SEC14L1: variants seen among roughly 807,000 people sequenced by gnomAD.
SEC14L1 encodes SEC14-like protein 1.
In SEC14L1, 48 loss-of-function variants were observed where a neutral mutation model predicts 85.3. The observed-to-expected ratio is 0.56, with a 90% confidence interval of 0.45 to 0.72. The LOEUF is 0.72. SEC14L1 is among the 30% of genes least tolerant of loss of function. The probability of loss-of-function intolerance (pLI) is 0.00; values close to 1 mark genes in which losing one functional copy is unlikely to be tolerated. For synonymous variants in SEC14L1, 391 were observed against 355.5 expected (o/e 1.10, Z -1.12); for missense variants, 682 against 921.4 (o/e 0.74, Z 3.36).
chr17:77,197,253 C>G (rs1298877585), intron 8 of SEC14L1, among the ~76,000 whole-genome samples: 2 of 152,182 alleles, frequency 1.3e-5, no homozygotes, highest in Non-Finnish European at 2.9e-5. Flanking sequence ...GACGGACCAG[C>G]CTCTTGAGTT....
intron 13 of SEC14L1, 152 bp from the exon 14 acceptor site, chr17:77,209,190 G>A: frequency 1.3e-6 from 1 of 794,162 alleles, no homozygotes; most frequent in Non-Finnish European, 2.0e-6. Flanking sequence ...TTGCTCAGTA[G>A]TGCAGAGTGT....
chr17:77,111,177 C>G (rs1039527849), intron 3 of SEC14L1, among the ~76,000 whole-genome samples: 1 of 142,914 alleles, frequency 7.0e-6, no homozygotes, highest in African/African-American at 2.6e-5. Flanking sequence ...CAGAGCGAGA[C>G]TCTGTCTCAA....
At chr17:77,202,792 C>G (rs1412313664) in intron 9 of SEC14L1, among the ~76,000 whole-genome samples, 2 of 151,840 alleles carry the variant, frequency 1.3e-5, no homozygotes, top group East Asian at 3.9e-4. Context: ...TGGCAGCGTG[C>G]GCCTGTAGTT....
intron 3 of SEC14L1, among the ~76,000 whole-genome samples, chr17:77,171,832 A>G (rs528833504): frequency 6.6e-6 from 1 of 152,090 alleles, no homozygotes; most frequent in South Asian, 2.1e-4. Context: ...TTTTTCTTTT[A>G]TTACTTGCCT....
chr17:77,143,956 CTTT>C, intron 3 of SEC14L1: 1 of 270,168 alleles, frequency 3.7e-6, no homozygotes, highest in Non-Finnish European at 7.1e-6. Flanking sequence ...GGGTTGTGCT[CTTT>C]TTTTCCTTCG....
chr17:77,151,997 A>G (rs1228273154), intron 3 of SEC14L1, among the ~76,000 whole-genome samples: 2 of 151,884 alleles, frequency 1.3e-5, no homozygotes, highest in Non-Finnish European at 2.9e-5. Context: ...TTTTTTTGAG[A>G]TAGGGTTTTG....
intron 3 of SEC14L1, among the ~76,000 whole-genome samples, chr17:77,115,043 AC>A (rs941541999): frequency 3.3e-5 from 5 of 152,230 alleles, no homozygotes; most frequent in African/African-American, 1.2e-4. Flanking sequence ...CCTGCCTCTG[AC>A]CATGTACCAG....
At chr17:77,193,900 C>T (rs1975667330) in intron 6 of SEC14L1, among the ~76,000 whole-genome samples, 1 of 152,110 alleles carries the variant, frequency 6.6e-6, no homozygotes, top group Non-Finnish European at 1.5e-5. Context: ...AGCAGGCTGC[C>T]CCCCTTGGAT....
At chr17:77,185,705 T>A (rs1975236374) in intron 3 of SEC14L1, among the ~76,000 whole-genome samples, 1 of 152,216 alleles carries the variant, frequency 6.6e-6, no homozygotes, top group Admixed American at 6.5e-5. Flanking sequence ...TTGTTTTTGT[T>A]TTTTTAATTA....
chr17:77,185,205 A>G (rs1975212778), intron 3 of SEC14L1: 1 of 985,320 alleles, frequency 1.0e-6, no homozygotes, highest in Non-Finnish European at 1.2e-6. Flanking sequence ...TCTGCCCTGC[A>G]GCCTAGCAGT....
rs1598409593 is a variant in SEC14L1 at position 77,212,850 on chromosome 17, A to G, written c.1864-464A>G. 5.7e-5 allele frequency: 10 copies of G among 174,078 alleles called. No homozygotes were observed. In the South Asian group the frequency reaches 1.4e-3, roughly 24 times the overall value. The allele number at this position is 174,078 out of a possible 1,614,324, so 10.8% of individuals were successfully genotyped here. A position where few individuals can be genotyped will look rare whatever the true frequency, so the allele number is the denominator to read the frequency against. Reference sequence around the variant, plus strand: ...AACAGCTAAGCTGTGTTAACCAGTCATGAATTTCGGAGAGAATGGAGAAGG... The same window carrying G: ...AACAGCTAAGCTGTGTTAACCAGTCGTGAATTTCGGAGAGAATGGAGAAGG... On this transcript the variant is annotated intron_variant, in intron 15 of 16. Coordinates refer to ENST00000436233, the MANE Select transcript of SEC14L1 (RefSeq NM_001143998.2).
intron 3 of SEC14L1, among the ~76,000 whole-genome samples, chr17:77,155,935 T>G (rs10512613): frequency 0.36 from 54,299 of 151,902 alleles, 9,932 homozygotes; most frequent in South Asian, 0.43. Flanking sequence ...CCCAGAATCC[T>G]TTGTCATTGG....
upstream of SEC14L1, among the ~76,000 whole-genome samples, chr17:77,139,983 C>T (rs1401337713): frequency 6.6e-6 from 1 of 152,222 alleles, no homozygotes; most frequent in African/African-American, 2.4e-5. Context: ...CAAAAACGTT[C>T]TGTCCAATGG....
At chr17:77,122,641 A>G (rs756936322) in intron 3 of SEC14L1, among the ~76,000 whole-genome samples, 8 of 152,122 alleles carry the variant, frequency 5.3e-5, no homozygotes, top group Non-Finnish European at 1.2e-4. Context: ...CATTAGACAT[A>G]TTTCTAAGAT....
chr17:77,177,217 G>A (rs1974798259), intron 3 of SEC14L1, among the ~76,000 whole-genome samples: 1 of 151,790 alleles, frequency 6.6e-6, no homozygotes, highest in East Asian at 1.9e-4. Flanking sequence ...GGTCAGGAAT[G>A]TCTGAGATGA....
intron 3 of SEC14L1, among the ~76,000 whole-genome samples, chr17:77,171,746 A>C (rs983052336): frequency 6.6e-6 from 1 of 152,150 alleles, no homozygotes; most frequent in Admixed American, 6.5e-5. Context: ...GCAGGTGCAG[A>C]CCCGTTATTA....
intron 3 of SEC14L1, among the ~76,000 whole-genome samples, chr17:77,107,905 T>TTTTA (rs879702271): frequency 1.3e-5 from 2 of 152,138 alleles, no homozygotes; most frequent in African/African-American, 2.4e-5. Flanking sequence ...GGTATTGACT[T>TTTTA]TTTATTTATT....
intron 8 of SEC14L1, among the ~76,000 whole-genome samples, 162 bp from the exon 9 acceptor site, chr17:77,200,322 C>G (rs1396745290): frequency 6.6e-6 from 1 of 152,064 alleles, no homozygotes; most frequent in African/African-American, 2.4e-5. Flanking sequence ...GCATGCACCA[C>G]CATGCCTGGC....
intron 3 of SEC14L1, among the ~76,000 whole-genome samples, chr17:77,174,113 G>T (rs1974643576): frequency 6.6e-6 from 1 of 151,966 alleles, no homozygotes; most frequent in South Asian, 2.1e-4. Flanking sequence ...TAGAGATGGG[G>T]TTGCACCATG....
Sources: gnomAD v4.1 joint callset for allele counts (sites outside exome capture counted in the v4.1 genomes callset) on GRCh38, gnomAD v4.1.1 for gene constraint, MANE v1.5 for transcripts, NCBI Gene and HGNC (gene_info 2026-07-23, HGNC 2026-07-21) for gene names.